Variants in ZSWIM6 observed in about 807,000 individuals in gnomAD.
ZSWIM6 encodes zinc finger SWIM-type containing 6, also known as zinc finger SWIM domain-containing protein 6.
In ZSWIM6, 9 loss-of-function variants were observed where a neutral mutation model predicts 113.2. The observed-to-expected ratio is 0.08, with a 90% CI of 0.05 to 0.14. ZSWIM6 has a LOEUF of 0.14. Among genes scored for constraint, ZSWIM6 ranks in the 10% least tolerant of loss-of-function variants. The probability of loss-of-function intolerance (pLI) is 1.00; values close to 1 mark genes in which losing one functional copy is unlikely to be tolerated. For missense variants in ZSWIM6, 1,162 were observed against 1,552.2 expected (o/e 0.75, Z 4.22); for synonymous variants, 611 against 606.5 (o/e 1.01, Z -0.11).
intron 1 of ZSWIM6, among the ~76,000 whole-genome samples, chr5:61,453,328 T>G (rs1376751709): frequency 1.3e-5 from 2 of 152,062 alleles, no homozygotes; most frequent in East Asian, 1.9e-4. Flanking sequence ...CTCATACAAT[T>G]ATCACTTTTG....
intron 1 of ZSWIM6, chr5:61,375,085 G>A (rs1191255211): frequency 3.8e-5 from 61 of 1,595,544 alleles, no homozygotes; most frequent in Non-Finnish European, 3.3e-5. Flanking sequence ...TTCCCTCGGT[G>A]TGCTACTGTG....
chr5:61,372,641 C>G (rs532080354), intron 1 of ZSWIM6, among the ~76,000 whole-genome samples: 1 of 152,188 alleles, frequency 6.6e-6, no homozygotes, highest in Non-Finnish European at 1.5e-5. Context: ...CCACTATGTA[C>G]CAGGTTCAAG....
At chr5:61,471,655 C>G (rs1342577070) in intron 1 of ZSWIM6, among the ~76,000 whole-genome samples, 1 of 152,192 alleles carries the variant, frequency 6.6e-6, no homozygotes, top group African/African-American at 2.4e-5. Context: ...AGCACAAACC[C>G]TATTTGGAAT....
intron 1 of ZSWIM6, among the ~76,000 whole-genome samples, chr5:61,360,691 G>GT (rs1170763621): frequency 6.6e-6 from 1 of 152,104 alleles, no homozygotes; most frequent in Non-Finnish European, 1.5e-5. Flanking sequence ...ACTGGCTTTA[G>GT]TTTTTTACCC....
chr5:61,353,381 T>TAA, intron 1 of ZSWIM6, among the ~76,000 whole-genome samples: 1 of 152,328 alleles, frequency 6.6e-6, no homozygotes, highest in East Asian at 1.9e-4. Context: ...ACAGATATGT[T>TAA]AAGTCACTTG....
chr5:61,340,980 T>G (rs909268777), intron 1 of ZSWIM6, among the ~76,000 whole-genome samples: 1 of 152,262 alleles, frequency 6.6e-6, no homozygotes, highest in Non-Finnish European at 1.5e-5. Context: ...TACAAAACTG[T>G]ATTACAGCTG....
chr5:61,411,892 G>T (rs1746154327), intron 1 of ZSWIM6, among the ~76,000 whole-genome samples: 1 of 152,110 alleles, frequency 6.6e-6, no homozygotes, highest in Non-Finnish European at 1.5e-5. Context: ...TTGGGGTTGG[G>T]GATAAGTATG....
rs112986350 is a variant in ZSWIM6, at chr5:61,354,303, A to C, written c.676+21355A>C. ...CTATATAACTCACCATAATTTTAGC[A>C]CTTTAACTTATTAAGGTACATGTTT... On this transcript the variant is annotated intron_variant, in intron 1 of 13. Coordinates refer to ENST00000252744, the MANE Select transcript of ZSWIM6 (RefSeq NM_020928.2). 6.8e-3 allele frequency among the ~76,000 whole-genome samples: 1,039 copies of C among 152,344 alleles called. 14 individuals carry two copies. Among genetic ancestry groups the C allele is most frequent in the African/African-American group, 0.023 (962 of 41,578 alleles).
At chr5:61,531,317 C>T in intron 8 of ZSWIM6, 148 bp from the exon 9 acceptor site, 1 of 868,468 alleles carries the variant, frequency 1.2e-6, no homozygotes, top group Non-Finnish European at 1.7e-6. Context: ...TGGAAGACTG[C>T]ACTTTAGCCT....
intron 5 of ZSWIM6, among the ~76,000 whole-genome samples, chr5:61,521,941 A>T (rs1391187901): frequency 6.6e-6 from 1 of 152,142 alleles, no homozygotes; most frequent in Non-Finnish European, 1.5e-5. Flanking sequence ...AATGCTGTTG[A>T]CATTTTACTG....
At chr5:61,408,816 T>G (rs1162379255) in intron 1 of ZSWIM6, among the ~76,000 whole-genome samples, 1 of 152,222 alleles carries the variant, frequency 6.6e-6, no homozygotes, top group Non-Finnish European at 1.5e-5. Flanking sequence ...TCTGAACTGT[T>G]TAGGAATGCG....
intron 1 of ZSWIM6, among the ~76,000 whole-genome samples, chr5:61,373,087 CTT>C (rs1372171436): frequency 1.3e-5 from 2 of 152,112 alleles, no homozygotes; most frequent in Non-Finnish European, 2.9e-5. Flanking sequence ...TTCCAGAACT[CTT>C]TTTATTCATT....
At chr5:61,516,743 A>G (rs759154212) in intron 4 of ZSWIM6, among the ~76,000 whole-genome samples, 41 of 151,744 alleles carry the variant, frequency 2.7e-4, no homozygotes, top group Non-Finnish European at 5.0e-4. Context: ...TATCATTTCT[A>G]TTGTTCTTCC....
intron 4 of ZSWIM6, 148 bp downstream of exon 4, chr5:61,494,558 A>T: frequency 9.0e-7 from 1 of 1,107,544 alleles, no homozygotes; most frequent in Non-Finnish European, 1.3e-6. Context: ...GAAGCATAGG[A>T]GGATTTAGAA....
At chr5:61,393,512 A>T (rs1322779846) in intron 1 of ZSWIM6, among the ~76,000 whole-genome samples, 1 of 152,190 alleles carries the variant, frequency 6.6e-6, no homozygotes, top group African/African-American at 2.4e-5. Flanking sequence ...TTATAGGAAT[A>T]TATTGAGAAA....
At chr5:61,347,107 G>C (rs966488993) in intron 1 of ZSWIM6, 1 of 153,444 alleles carries the variant, frequency 6.5e-6, no homozygotes, top group African/African-American at 2.4e-5. Flanking sequence ...GTATGAATTT[G>C]TTTCAGTAGC....
intron 7 of ZSWIM6, 133 bp downstream of exon 7, chr5:61,526,529 T>TG: frequency 1.9e-6 from 2 of 1,079,776 alleles, no homozygotes; most frequent in Non-Finnish European, 2.6e-6. Flanking sequence ...TCATTTAAAA[T>TG]AATGGCTGAT....
At chr5:61,355,192 G>A (rs972019563) in intron 1 of ZSWIM6, among the ~76,000 whole-genome samples, 2 of 152,136 alleles carry the variant, frequency 1.3e-5, no homozygotes, top group Non-Finnish European at 2.9e-5. Flanking sequence ...GTCAGCTTGG[G>A]TATTTAGCTT....
intron 4 of ZSWIM6, among the ~76,000 whole-genome samples, chr5:61,512,985 C>T (rs2112247679): frequency 6.6e-6 from 1 of 151,900 alleles, no homozygotes; most frequent in African/African-American, 2.4e-5. Flanking sequence ...CACCCAAAGT[C>T]CATAGTTTAC....
Sources: allele counts gnomAD v4.1 joint callset (sites outside exome capture counted in the v4.1 genomes callset), GRCh38; gene constraint gnomAD v4.1.1; transcripts MANE v1.5; gene names NCBI Gene and HGNC (gene_info 2026-07-23, HGNC 2026-07-21).